Variants in GUCY1A2 observed in about 807,000 individuals in gnomAD.
GUCY1A2 encodes the protein guanylate cyclase soluble subunit alpha-2.
In GUCY1A2, 27 loss-of-function variants were observed where a neutral mutation model predicts 63.5. That is an observed-to-expected ratio of 0.43 (90% CI 0.31 to 0.59). The LOEUF is 0.59. GUCY1A2 is among the 20% of genes least tolerant of loss of function. The pLI is 0.11. For synonymous variants in GUCY1A2, 364 were observed against 343.5 expected (o/e 1.06, Z -0.66); for missense variants, 768 against 913.3 (o/e 0.84, Z 2.05).
chr11:106,842,605 T>C (rs1859215036), intron 4 of GUCY1A2, among the ~76,000 whole-genome samples: 1 of 152,052 alleles, frequency 6.6e-6, no homozygotes, highest in African/African-American at 2.4e-5. Context: ...TGAACATCAT[T>C]CATCTCTATG....
intron 4 of GUCY1A2, among the ~76,000 whole-genome samples, chr11:106,813,909 T>C (rs1169751231): frequency 1.3e-5 from 2 of 152,118 alleles, no homozygotes; most frequent in African/African-American, 4.8e-5. Flanking sequence ...TTTACTCTTT[T>C]GCTAGCTATT....
chr11:106,993,032 G>A (rs4754176), intron 1 of GUCY1A2, among the ~76,000 whole-genome samples: 10,268 of 152,192 alleles, frequency 0.067, 879 homozygotes, highest in East Asian at 0.3. Flanking sequence ...TGCTCAAGAG[G>A]AATCCTAACT....
intron 4 of GUCY1A2, among the ~76,000 whole-genome samples, chr11:106,877,559 T>A (rs969811711): frequency 6.6e-6 from 1 of 152,046 alleles, no homozygotes; most frequent in Non-Finnish European, 1.5e-5. Context: ...GGTACTGGGA[T>A]AACTGGCTAC....
intron 4 of GUCY1A2, chr11:106,826,650 A>T: frequency 6.2e-7 from 1 of 1,607,706 alleles, no homozygotes; most frequent in Non-Finnish European, 8.5e-7. Flanking sequence ...CCTTATAGTT[A>T]AAAAATTTTG....
chr11:106,757,560 G>T (rs557813678), intron 6 of GUCY1A2, among the ~76,000 whole-genome samples: 1 of 152,252 alleles, frequency 6.6e-6, no homozygotes, highest in African/African-American at 2.4e-5. Flanking sequence ...TGTTGATGTT[G>T]ATGCTATTCC....
chr11:106,888,569 G>A (rs934261841), intron 4 of GUCY1A2, among the ~76,000 whole-genome samples: 16 of 152,176 alleles, frequency 1.1e-4, no homozygotes, highest in Admixed American at 9.8e-4. Context: ...TGACACGATT[G>A]TTTTTGTTTC....
In GUCY1A2 at chr11:106,773,759, A is replaced by T. The variant is rs1486291202; in HGVS notation, c.1836+2680T>A. Among the ~76,000 whole-genome samples, 8 of 152,188 alleles carry T rather than the reference A, an allele frequency of 5.3e-5. 1 individual carries two copies. ...TAAATTTCTATTAATTTGATTACTG[A>T]CAAGGTTAACTAGATACTTATTGAT... On this transcript the variant is annotated intron_variant, in intron 6 of 7. Coordinates refer to ENST00000526355, the MANE Select transcript of GUCY1A2 (RefSeq NM_000855.3).
chr11:106,933,146 A>C (rs1041552070), intron 4 of GUCY1A2, among the ~76,000 whole-genome samples: 2 of 152,188 alleles, frequency 1.3e-5, no homozygotes, highest in Non-Finnish European at 2.9e-5. Flanking sequence ...GCTTCTGAAA[A>C]GCAAAGTAAA....
intron 4 of GUCY1A2, among the ~76,000 whole-genome samples, chr11:106,937,392 AG>A (rs1462526028): frequency 6.6e-6 from 1 of 152,198 alleles, no homozygotes; most frequent in African/African-American, 2.4e-5. Context: ...ATGAAATATA[AG>A]GGGAAAAAAC....
At position 107,018,265 on chromosome 11, in the gene GUCY1A2, T is replaced by C; in HGVS notation, c.-210A>G. 1 of 144,024 alleles carries C rather than the reference T, an allele frequency of 6.9e-6. No homozygotes were observed. The highest frequency in any genetic ancestry group is 1.5e-5 in the Non-Finnish European group (1 of 66,354). The allele number at this position is 144,024 out of a possible 1,614,324, so 8.9% of individuals were successfully genotyped here. Reference sequence around the variant, plus strand: ...GGGAACTTGGGGCGCCGCCGCACCTTGGGGCCCGGGCTCGGCGGCGGCGCC... The same window carrying C: ...GGGAACTTGGGGCGCCGCCGCACCTCGGGGCCCGGGCTCGGCGGCGGCGCC... On this transcript the variant is annotated 5_prime_UTR_variant, in exon 1 of 8. Coordinates refer to ENST00000526355, the MANE Select transcript of GUCY1A2 (RefSeq NM_000855.3).
At chr11:106,759,057 C>G (rs908186907) in intron 6 of GUCY1A2, among the ~76,000 whole-genome samples, 1 of 151,846 alleles carries the variant, frequency 6.6e-6, no homozygotes, top group Admixed American at 6.6e-5. Context: ...ACTATGCTCA[C>G]TACCTAGATG....
chr11:106,990,634 C>A (rs763962281), intron 1 of GUCY1A2, among the ~76,000 whole-genome samples: 7 of 152,240 alleles, frequency 4.6e-5, no homozygotes, highest in Non-Finnish European at 8.8e-5. Context: ...CAGTTGTCAT[C>A]GCACAAAATA....
intron 6 of GUCY1A2, among the ~76,000 whole-genome samples, chr11:106,724,782 A>G (rs1438884305): frequency 6.6e-6 from 1 of 152,200 alleles, no homozygotes; most frequent in African/African-American, 2.4e-5. Context: ...TGTGAGCATC[A>G]CTATCCTCAT....
intron 3 of GUCY1A2, among the ~76,000 whole-genome samples, chr11:106,942,444 C>T (rs1208656107): frequency 1.3e-5 from 2 of 152,112 alleles, no homozygotes; most frequent in African/African-American, 4.8e-5. Flanking sequence ...TCCTTTGTTG[C>T]TATGAAATCT....
chr11:106,804,498 A>G (rs1179262012), intron 5 of GUCY1A2, among the ~76,000 whole-genome samples: 2 of 152,220 alleles, frequency 1.3e-5, no homozygotes, highest in Non-Finnish European at 2.9e-5. Flanking sequence ...AAAGGCAACA[A>G]AACAAGGTGG....
chr11:106,926,713 A>G (rs1190442955), intron 4 of GUCY1A2, among the ~76,000 whole-genome samples: 2 of 151,942 alleles, frequency 1.3e-5, no homozygotes, highest in Non-Finnish European at 2.9e-5. Flanking sequence ...CCATAAACCG[A>G]GTATCGGCAG....
At chr11:107,002,941 C>A (rs533256803) in intron 1 of GUCY1A2, among the ~76,000 whole-genome samples, 1 of 152,144 alleles carries the variant, frequency 6.6e-6, no homozygotes, top group Non-Finnish European at 1.5e-5. Flanking sequence ...TTCCTACATT[C>A]CCCTTGAGTA....
chr11:106,700,246 T>C (rs1420337059), intron 7 of GUCY1A2, among the ~76,000 whole-genome samples: 1 of 152,162 alleles, frequency 6.6e-6, no homozygotes, highest in East Asian at 1.9e-4. Context: ...TTCTGATTTT[T>C]AAAGACTTCA....
At position 106,738,051 on chromosome 11, in the gene GUCY1A2, G is replaced by C. The variant is rs184534475; in HGVS notation, c.1837-29385C>G. On this transcript the variant is annotated intron_variant, in intron 6 of 7. Transcript: ENST00000526355. ...TTCCTATTTCTCCACATCCTCTCCA[G>C]CAACTGTTGTTTCCTGACTTTTTAA... 3.9e-5 allele frequency among the ~76,000 whole-genome samples: 6 copies of C among 152,274 alleles called. No homozygotes were observed. In the East Asian group the frequency reaches 1.2e-3, roughly 29 times the overall value.
Sources: allele counts gnomAD v4.1 joint callset (sites outside exome capture counted in the v4.1 genomes callset), GRCh38; gene constraint gnomAD v4.1.1; transcripts MANE v1.5; gene names NCBI Gene and HGNC (gene_info 2026-07-23, HGNC 2026-07-21).